Variants in TRAPPC9 observed in about 807,000 individuals in gnomAD.
TRAPPC9 encodes IKK2 binding protein.
A neutral mutation model predicts 124.0 loss-of-function variants in TRAPPC9; 83 were observed. That is an observed-to-expected ratio of 0.67 (90% confidence interval 0.56 to 0.80). The LOEUF (loss-of-function observed/expected upper bound fraction) is 0.80, where lower values mean the gene tolerates loss of function less well. TRAPPC9 is among the 30% of genes least tolerant of loss of function. The probability of loss-of-function intolerance (pLI) is 0.00; values close to 1 mark genes in which losing one functional copy is unlikely to be tolerated. For missense variants in TRAPPC9, 1,302 were observed against 1,508.3 expected, an observed-to-expected ratio of 0.86 and a Z score of 2.27; for synonymous variants, 638 against 617.5, an observed-to-expected ratio of 1.03 and a Z score of -0.49.
intron 19 of TRAPPC9, among the ~76,000 whole-genome samples, chr8:139,929,335 G>A (rs1019976009): frequency 6.6e-6 from 1 of 152,174 alleles, no homozygotes; most frequent in Non-Finnish European, 1.5e-5. Flanking sequence ...GGGTCACCAG[G>A]ATAACAGATA....
chr8:140,141,025 C>A (rs1457935812), intron 17 of TRAPPC9, among the ~76,000 whole-genome samples: 3 of 152,192 alleles, frequency 2.0e-5, no homozygotes, highest in Non-Finnish European at 2.9e-5. Flanking sequence ...TTATTTTGTT[C>A]TTCATGCTAA....
intron 18 of TRAPPC9, among the ~76,000 whole-genome samples, chr8:140,000,932 C>T (rs571137055): frequency 4.8e-4 from 73 of 152,232 alleles, no homozygotes; most frequent in African/African-American, 1.5e-3. Context: ...CACATGCACA[C>T]GTATGTTTAC....
chr8:140,249,704 C>T (rs1199365535), intron 16 of TRAPPC9, among the ~76,000 whole-genome samples: 4 of 150,336 alleles, frequency 2.7e-5, no homozygotes, highest in South Asian at 2.1e-4. Flanking sequence ...CCCGGGTTCA[C>T]GCCATTCTCC....
intron 17 of TRAPPC9, among the ~76,000 whole-genome samples, chr8:140,047,035 T>C (rs1258137786): frequency 2.6e-5 from 4 of 152,250 alleles, no homozygotes; most frequent in Non-Finnish European, 4.4e-5. Flanking sequence ...GAAGCTCTTC[T>C]GTGACCAGCT....
At chr8:140,300,735 G>A (rs889655826) in intron 10 of TRAPPC9, 121 bp from the exon 11 acceptor site, 4 of 1,253,854 alleles carry the variant, frequency 3.2e-6, no homozygotes, top group Non-Finnish European at 4.6e-6. Flanking sequence ...GATAAATGGA[G>A]GGAGGAAAAG....
rs532049041 is a variant in TRAPPC9, at chr8:139,813,338, C to T, written c.3055+72541G>A. Among the ~76,000 whole-genome samples, 10 of 152,338 alleles carry T rather than the reference C, an allele frequency of 6.6e-5. No individual in the cohort carries two copies. The South Asian group carries it at 1.2e-3, about 19-fold the overall frequency. ...CAGTGCAAGAAGGGAGGGGGAGCAC[C>T]AGCTCAGACTCCTCCTGTCCCACAA... On this transcript the variant is annotated intron_variant, in intron 21 of 22. Transcript: ENST00000438773.
chr8:139,732,732 A>G lies in TRAPPC9; in HGVS notation c.3056-530T>C, dbSNP rs529030071. Among the ~76,000 whole-genome samples, 151 of 152,258 alleles carry G rather than the reference A, an allele frequency of 9.9e-4. 1 individual carries two copies. The highest frequency in any genetic ancestry group is 3.5e-3 in the African/African-American group (147 of 41,552). ...CACAGTGGGCTCCAGCACTCCCTATAAAGTGGCTGCACTGTGTTTTCTTCA... is the reference window on the plus strand; with the variant it reads ...CACAGTGGGCTCCAGCACTCCCTATGAAGTGGCTGCACTGTGTTTTCTTCA... On this transcript the variant is annotated intron_variant, in intron 21 of 22. Coordinates refer to ENST00000438773, the MANE Select transcript of TRAPPC9 (RefSeq NM_001160372.4).
chr8:139,971,399 C>T lies in TRAPPC9; in HGVS notation c.2810+17327G>A, dbSNP rs562785545. Reference sequence around the variant, plus strand: ...AGGCAGTCCTCACTGGTGAGCAATCCCCACCCAGCTGCCCTCTGCCTGCCC... The same window carrying T: ...AGGCAGTCCTCACTGGTGAGCAATCTCCACCCAGCTGCCCTCTGCCTGCCC... On this transcript the variant is annotated intron_variant, in intron 19 of 22. Coordinates refer to ENST00000438773, the MANE Select transcript of TRAPPC9 (RefSeq NM_001160372.4). Among the ~76,000 whole-genome samples the T allele has an allele frequency of 3.0e-4, 45 of 152,234 alleles. 1 individual carries two copies. The South Asian group carries it at 9.3e-3, about 32-fold the overall frequency.
In TRAPPC9 at chr8:139,962,221, G is replaced by A. The variant is rs924787537; in HGVS notation, c.2810+26505C>T. On this transcript the variant is annotated intron_variant, in intron 19 of 22. Transcript: ENST00000438773. Reference sequence around the variant, plus strand: ...CTTCCTGGATGCAGGACAAGAACTCGGGCAAAGGCACCACTGGCCGCAGAG... The same window carrying A: ...CTTCCTGGATGCAGGACAAGAACTCAGGCAAAGGCACCACTGGCCGCAGAG... Among the ~76,000 whole-genome samples the A allele has an allele frequency of 1.3e-4, 16 of 124,508 alleles. 3 individuals carry two copies. Among genetic ancestry groups the A allele is most frequent in the African/African-American group, 2.5e-4 (10 of 39,314 alleles). The allele number at this position is 124,508 out of a possible 152,430, so 81.7% of individuals were successfully genotyped here. A position where few individuals can be genotyped will look rare whatever the true frequency, so the allele number is the denominator to read the frequency against.
rs35452775 is a variant in TRAPPC9, at chr8:140,233,623, C to CCA, written c.2432-12042_2432-12041dup. ...CCCTCCCTCCCTCCCTCTCTCCCCA[C>CCA]CACACACACACACACACACACACAC... On this transcript the variant is annotated intron_variant, in intron 16 of 22. Coordinates refer to ENST00000438773, the MANE Select transcript of TRAPPC9 (RefSeq NM_001160372.4). 9.4e-3 allele frequency among the ~76,000 whole-genome samples: 858 copies of CCA among 90,836 alleles called. 10 individuals carry two copies. The highest frequency in any genetic ancestry group is 0.026 in the East Asian group (90 of 3,502). The allele number at this position is 90,836 out of a possible 152,430, so 59.6% of individuals were successfully genotyped here.
At chr8:139,925,677 G>T (rs1390222126) in intron 19 of TRAPPC9, among the ~76,000 whole-genome samples, 1 of 151,804 alleles carries the variant, frequency 6.6e-6, no homozygotes, top group African/African-American at 2.4e-5. Context: ...GAACCTGGGA[G>T]GCAGAGGTTG....
In TRAPPC9 at chr8:139,729,957, C is replaced by G. The variant is rs577598425; in HGVS notation, c.*1104G>C. Among the ~76,000 whole-genome samples the G allele has an allele frequency of 1.3e-5, 2 of 152,262 alleles. No homozygotes were observed. Among genetic ancestry groups the G allele is most frequent in the South Asian group, 4.1e-4 (2 of 4,828 alleles). ...CCTGGGGAGCTAAGGGTCAACACAG[C>G]CAGAAGCCTGCCCCCAGAACAGGAC... On this transcript the variant is annotated 3_prime_UTR_variant, in exon 23 of 23. Transcript: ENST00000438773.
chr8:139,998,931 T>C (rs1027121725), intron 18 of TRAPPC9, among the ~76,000 whole-genome samples: 1 of 152,122 alleles, frequency 6.6e-6, no homozygotes, highest in Non-Finnish European at 1.5e-5. Flanking sequence ...TGTGAAAACC[T>C]AAGAGCACTT....
intron 9 of TRAPPC9, among the ~76,000 whole-genome samples, chr8:140,317,446 C>CCT (rs2066470254): frequency 6.6e-6 from 1 of 152,148 alleles, no homozygotes; most frequent in Non-Finnish European, 1.5e-5. Flanking sequence ...AGCCCCAGGC[C>CCT]TAGAATTAAA....
At chr8:140,222,888 T>C (rs1025388330) in intron 16 of TRAPPC9, among the ~76,000 whole-genome samples, 1 of 152,188 alleles carries the variant, frequency 6.6e-6, no homozygotes, top group African/African-American at 2.4e-5. Context: ...ACGTTCATAC[T>C]GATTTTGACT....
chr8:140,091,161 C>T (rs895358759), intron 17 of TRAPPC9, among the ~76,000 whole-genome samples: 1 of 152,034 alleles, frequency 6.6e-6, no homozygotes, highest in African/African-American at 2.4e-5. Context: ...ATCTGAAGCC[C>T]CACGACTCGG....
intron 11 of TRAPPC9, among the ~76,000 whole-genome samples, chr8:140,292,372 C>T (rs2065684172): frequency 6.6e-6 from 1 of 152,208 alleles, no homozygotes; most frequent in South Asian, 2.1e-4. Flanking sequence ...AGAGGAGCTG[C>T]TGGATTCAGG....
intron 21 of TRAPPC9, among the ~76,000 whole-genome samples, chr8:139,803,245 T>A (rs998685582): frequency 3.9e-5 from 6 of 152,364 alleles, no homozygotes; most frequent in East Asian, 3.8e-4. Context: ...CTGTTGAGTG[T>A]GTGTGTGTCA....
intron 21 of TRAPPC9, among the ~76,000 whole-genome samples, chr8:139,784,545 G>C (rs947421827): frequency 1.3e-5 from 2 of 148,738 alleles, no homozygotes; most frequent in African/African-American, 5.0e-5. Flanking sequence ...TTGCACTCCA[G>C]CCTGGGCAAC....
Sources: allele counts gnomAD v4.1 joint callset (sites outside exome capture counted in the v4.1 genomes callset), GRCh38; gene constraint gnomAD v4.1.1; transcripts MANE v1.5; gene names NCBI Gene and HGNC (gene_info 2026-07-23, HGNC 2026-07-21).